The following C1orf87 variants were observed in gnomAD, a reference collection of about 807,000 sequenced individuals.
C1orf87 encodes the protein chromosome 1 open reading frame 87.
In C1orf87, 58 loss-of-function variants were observed where a neutral mutation model predicts 60.5. The ratio of observed to expected loss-of-function variants is 0.96; its 90% CI spans 0.78 to 1.19. The LOEUF (loss-of-function observed/expected upper bound fraction) is 1.19. C1orf87 is among the 50% of genes most tolerant of loss of function. The pLI, the probability that C1orf87 is intolerant of heterozygous loss-of-function variation, is 0.00. For missense variants in C1orf87, 673 were observed against 638.6 expected (o/e 1.05, Z -0.58); for synonymous variants, 236 against 227.4 (o/e 1.04, Z -0.34).
chr1:60,003,395 G>T (rs923398381), intron 9 of C1orf87, among the ~76,000 whole-genome samples: 1 of 151,036 alleles, frequency 6.6e-6, no homozygotes, highest in African/African-American at 2.4e-5. Flanking sequence ...TGGGTGCAGC[G>T]CACCAGCATG....
chr1:60,002,358 A>T (rs1645011989), intron 9 of C1orf87, among the ~76,000 whole-genome samples: 1 of 152,064 alleles, frequency 6.6e-6, no homozygotes, highest in Non-Finnish European at 1.5e-5. Flanking sequence ...CCTATAGGCT[A>T]TTGTAAGGAT....
chr1:60,032,432 GTTTTTTTTTTT>G (rs11376932), intron 7 of C1orf87, among the ~76,000 whole-genome samples: 1 of 88,558 alleles, frequency 1.1e-5, no homozygotes, highest in African/African-American at 4.6e-5. Context: ...TGAGACTCAG[GTTTTTTTTTTT>G]TTTTTTTTTT....
chr1:60,052,233 T>C (rs1204379708), intron 3 of C1orf87, among the ~76,000 whole-genome samples: 4 of 152,252 alleles, frequency 2.6e-5, no homozygotes, highest in Non-Finnish European at 5.9e-5. Flanking sequence ...TACAATTTTA[T>C]TTTTGAAACT....
intron 8 of C1orf87, among the ~76,000 whole-genome samples, chr1:60,024,492 CT>C (rs1460522552): frequency 1.3e-5 from 2 of 152,120 alleles, no homozygotes; most frequent in Non-Finnish European, 2.9e-5. Flanking sequence ...TTGGTGTTAC[CT>C]TTCCTGGCCT....
chr1:60,025,078 T>A (rs1645189714), intron 8 of C1orf87, among the ~76,000 whole-genome samples: 1 of 152,178 alleles, frequency 6.6e-6, no homozygotes, highest in Admixed American at 6.5e-5. Context: ...TATCACAAAA[T>A]GTCATTCACT....
intron 2 of C1orf87, among the ~76,000 whole-genome samples, chr1:60,061,804 A>T (rs1456958496): frequency 6.8e-6 from 1 of 146,474 alleles, no homozygotes; most frequent in East Asian, 2.0e-4. Context: ...AAAAAAAAAT[A>T]GCTGGGCTTT....
At chr1:60,022,764 G>A (rs1211936541) in intron 8 of C1orf87, among the ~76,000 whole-genome samples, 3 of 151,856 alleles carry the variant, frequency 2.0e-5, no homozygotes, top group Non-Finnish European at 4.4e-5. Context: ...TTGCTTTGAG[G>A]CTATTAATAA....
chr1:60,070,872 T>C (rs370109187), intron 2 of C1orf87, among the ~76,000 whole-genome samples: 10 of 152,348 alleles, frequency 6.6e-5, no homozygotes, highest in African/African-American at 2.4e-4. Context: ...CTCCTTGCTT[T>C]CTGTTTAAAA....
intron 11 of C1orf87, among the ~76,000 whole-genome samples, chr1:59,995,428 G>T (rs375231102): frequency 1.3e-5 from 2 of 152,134 alleles, no homozygotes; most frequent in Middle Eastern, 3.2e-3. Flanking sequence ...GGTAAAGAAT[G>T]AAGCCTCATC....
chr1:60,066,406 G>A (rs2100334040), intron 2 of C1orf87, among the ~76,000 whole-genome samples: 1 of 152,216 alleles, frequency 6.6e-6, no homozygotes, highest in South Asian at 2.1e-4. Context: ...ATCTTCACCA[G>A]GAGAATTGAT....
chr1:60,018,094 T>C (rs1202424333), intron 8 of C1orf87, among the ~76,000 whole-genome samples: 2 of 152,186 alleles, frequency 1.3e-5, no homozygotes, highest in East Asian at 1.9e-4. Context: ...ACATTCCAAA[T>C]GGGTTCCCAA....
chr1:60,023,293 T>C (rs1393791654), intron 8 of C1orf87, among the ~76,000 whole-genome samples: 1 of 152,162 alleles, frequency 6.6e-6, no homozygotes, highest in African/African-American at 2.4e-5. Flanking sequence ...CTTCTCTTCA[T>C]CCCTCTCTTC....
intron 1 of C1orf87, among the ~76,000 whole-genome samples, chr1:60,072,873 A>T (rs191291817): frequency 6.6e-6 from 1 of 152,314 alleles, no homozygotes; most frequent in African/African-American, 2.4e-5. Context: ...AAACAAGCAA[A>T]ATGTAGCTAT....
At chr1:60,049,202 A>T (rs961666116) in intron 3 of C1orf87, among the ~76,000 whole-genome samples, 15 of 151,982 alleles carry the variant, frequency 9.9e-5, no homozygotes, top group African/African-American at 3.6e-4. Context: ...TTTTTCTATC[A>T]TTGTAGCAGT....
At chr1:60,038,553 G>A (rs1308793971) in intron 5 of C1orf87, among the ~76,000 whole-genome samples, 4 of 152,052 alleles carry the variant, frequency 2.6e-5, no homozygotes, top group Non-Finnish European at 4.4e-5. Flanking sequence ...ATAACTTTTT[G>A]TGGCTTTAAG....
At chr1:60,016,223 A>G (rs1385013814) in intron 8 of C1orf87, among the ~76,000 whole-genome samples, 1 of 152,166 alleles carries the variant, frequency 6.6e-6, no homozygotes, top group Non-Finnish European at 1.5e-5. Flanking sequence ...TCTAAACCTT[A>G]GTTTACTCAT....
At chr1:60,027,748 G>GA (rs1485184561) in intron 7 of C1orf87, among the ~76,000 whole-genome samples, 1 of 152,084 alleles carries the variant, frequency 6.6e-6, no homozygotes, top group Non-Finnish European at 1.5e-5. Context: ...TTTGAAACAT[G>GA]AAAAAACGAA....
In C1orf87 at chr1:60,065,824, T is replaced by A. The variant is rs867420286; in HGVS notation, c.107+6713A>T. On this transcript the variant is annotated intron_variant, in intron 2 of 11. Coordinates refer to ENST00000371201, the MANE Select transcript of C1orf87 (RefSeq NM_152377.3). ...CATGGGAAAATACCAGAACTTTGCA[T>A]ATCTTGGGTATAAATATCAATGCAA... Among the ~76,000 whole-genome samples the A allele has an allele frequency of 2.5e-4, 38 of 152,278 alleles. No homozygotes were observed. In the South Asian group the frequency reaches 3.9e-3, roughly 16 times the overall value.
intron 2 of C1orf87, among the ~76,000 whole-genome samples, chr1:60,064,370 TAC>T (rs1323873555): frequency 7.0e-6 from 1 of 142,292 alleles, no homozygotes; most frequent in African/African-American, 2.6e-5. Flanking sequence ...AATATATATA[TAC>T]ACACACAATA....
Sources: gnomAD v4.1 joint callset for allele counts (sites outside exome capture counted in the v4.1 genomes callset) on GRCh38, gnomAD v4.1.1 for gene constraint, MANE v1.5 for transcripts, NCBI Gene and HGNC (gene_info 2026-07-23, HGNC 2026-07-21) for gene names.